BOC: variants seen among roughly 807,000 people sequenced by gnomAD.
The protein encoded by BOC is BOC cell adhesion associated, oncogene regulated.
A neutral mutation model predicts 112.0 loss-of-function variants in BOC; 76 were observed. The ratio of observed to expected loss-of-function variants is 0.68; its 90% CI spans 0.56 to 0.82. The LOEUF (loss-of-function observed/expected upper bound fraction) is 0.82. Among genes scored for constraint, BOC ranks in the 40% least tolerant of loss-of-function variants. BOC has a pLI of 0.00. For missense variants in BOC, 1,309 were observed against 1,511.7 expected, an observed-to-expected ratio of 0.87 and a Z score of 2.22; for synonymous variants, 580 against 599.8, an observed-to-expected ratio of 0.97 and a Z score of 0.48.
chr3:113,286,284 G>A (rs1305260025), intron 19 of BOC, among the ~76,000 whole-genome samples: 4 of 152,164 alleles, frequency 2.6e-5, no homozygotes, highest in Non-Finnish European at 2.9e-5. Context: ...AAACTGGACC[G>A]TGTCAATCTG....
chr3:113,256,015 T>C (rs183131114), intron 4 of BOC, among the ~76,000 whole-genome samples: 58 of 152,234 alleles, frequency 3.8e-4, no homozygotes, highest in African/African-American at 1.3e-3. Flanking sequence ...AGCTGTGAAA[T>C]GAACACAGTA....
At chr3:113,256,238 C>T (rs1946209173) in intron 4 of BOC, among the ~76,000 whole-genome samples, 1 of 152,160 alleles carries the variant, frequency 6.6e-6, no homozygotes, top group Non-Finnish European at 1.5e-5. Context: ...GAAGACAGTC[C>T]AGAGGGTGGC....
chr3:113,286,862 G>C lies in BOC; in HGVS notation c.3348G>C (p.Ter1116TyrextTer34). ...TTGAAACACCACCTCTCACAATTTA[G>C]GCAGAAGCTGATATCCCAGAAAGAC... The part of the protein sequence containing the change: ...VSFETPPLTI[*>Y] The change falls in exon 20 of 20, where the codon TAG becomes TAC. Residue 1116 changes from the stop codon to tyrosine, a stop_lost. Transcript: ENST00000682979. 6.4e-7 allele frequency: 1 copy of C among 1,570,538 alleles called. No individual in the cohort carries two copies. Among genetic ancestry groups the C allele is most frequent in the South Asian group, 1.2e-5 (1 of 83,896 alleles).
chr3:113,268,536 C>A (rs1009900819), intron 5 of BOC, 91 bp downstream of exon 5: 39 of 1,287,446 alleles, frequency 3.0e-5, no homozygotes, highest in Non-Finnish European at 4.1e-5. Context: ...GCTAGGGCAG[C>A]TGCTGCTGTC....
intron 4 of BOC, among the ~76,000 whole-genome samples, chr3:113,261,522 C>T (rs545924522): frequency 6.6e-6 from 1 of 152,232 alleles, no homozygotes; most frequent in Admixed American, 6.5e-5. Flanking sequence ...GTCTACAGAC[C>T]AGACATCTGT....
intron 4 of BOC, among the ~76,000 whole-genome samples, chr3:113,260,415 A>C (rs1310152905): frequency 6.6e-6 from 1 of 152,232 alleles, no homozygotes; most frequent in Non-Finnish European, 1.5e-5. Flanking sequence ...AGCATAAAAC[A>C]ACATTGGAAA....
chr3:113,226,377 C>T (rs1941665780), intron 2 of BOC, among the ~76,000 whole-genome samples: 1 of 152,140 alleles, frequency 6.6e-6, no homozygotes. Context: ...TGGGTCTTCT[C>T]TAGTACTTTC....
At chr3:113,228,577 C>G (rs1238710730) in intron 2 of BOC, among the ~76,000 whole-genome samples, 2 of 152,146 alleles carry the variant, frequency 1.3e-5, no homozygotes, top group Non-Finnish European at 2.9e-5. Flanking sequence ...GCCCCATGTG[C>G]CATTCCAGTG....
chr3:113,260,330 A>AG (rs1946680436), intron 4 of BOC, among the ~76,000 whole-genome samples: 1 of 152,370 alleles, frequency 6.6e-6, no homozygotes, highest in South Asian at 2.1e-4. Flanking sequence ...AGGATAAAGC[A>AG]GGGACTCAGG....
At chr3:113,218,752 G>T (rs1939982160) in intron 2 of BOC, among the ~76,000 whole-genome samples, 1 of 152,214 alleles carries the variant, frequency 6.6e-6, no homozygotes, top group East Asian at 1.9e-4. Context: ...ATCTGCGAAG[G>T]CCCCACAGTC....
At chr3:113,233,875 G>T (rs1417621836) in intron 2 of BOC, among the ~76,000 whole-genome samples, 1 of 141,996 alleles carries the variant, frequency 7.0e-6, no homozygotes, top group Non-Finnish European at 1.5e-5. Flanking sequence ...AAGAACCACG[G>T]CGGGCTCCCA....
intron 2 of BOC, among the ~76,000 whole-genome samples, chr3:113,220,092 TG>T (rs1576318940): frequency 6.6e-6 from 1 of 152,124 alleles, no homozygotes; most frequent in African/African-American, 2.4e-5. Flanking sequence ...AGTGGCAGCT[TG>T]TACAGAAAAC....
chr3:113,280,787 A>G, intron 14 of BOC, 124 bp downstream of exon 14: 1 of 905,498 alleles, frequency 1.1e-6, no homozygotes, highest in South Asian at 1.5e-5. Flanking sequence ...CGAAGCTCTA[A>G]GCTCCGTGTC....
At chr3:113,254,522 G>A (rs1946015184) in intron 4 of BOC, among the ~76,000 whole-genome samples, 1 of 152,194 alleles carries the variant, frequency 6.6e-6, no homozygotes, top group Non-Finnish European at 1.5e-5. Flanking sequence ...CAGAATAGGG[G>A]CTGTGTTTTG....
Position 113,250,035 on chromosome 3 carries a change from AG to A in BOC, c.97+137del, listed in dbSNP as rs200738219. On this transcript the variant is annotated intron_variant, in intron 3 of 19. Transcript: ENST00000682979. ...ATTCCCATTGGCCTTCAGGGACACAAGAACACAAGATGAGACATGATCACAA... is the reference window on the plus strand; with the variant it reads ...ATTCCCATTGGCCTTCAGGGACACAAAACACAAGATGAGACATGATCACAA... The A allele has an allele frequency of 3.6e-3, 2,567 of 722,896 alleles. 54 individuals carry two copies. The African/African-American group carries it at 0.04, about 11-fold the overall frequency. The allele number at this position is 722,896 out of a possible 1,614,324, so 44.8% of individuals were successfully genotyped here.
intron 15 of BOC, among the ~76,000 whole-genome samples, chr3:113,281,756 G>C (rs16860784): frequency 0.053 from 8,010 of 151,806 alleles, 252 homozygotes; most frequent in African/African-American, 0.092. Context: ...AACATAATCA[G>C]GAGAAGATCA....
At chr3:113,233,729 G>C (rs1943029117) in intron 2 of BOC, among the ~76,000 whole-genome samples, 1 of 152,130 alleles carries the variant, frequency 6.6e-6, no homozygotes, top group Admixed American at 6.5e-5. Context: ...ATGGGTACTT[G>C]AGACCTGCCC....
At chr3:113,238,688 A>C (rs1235541288) in intron 2 of BOC, among the ~76,000 whole-genome samples, 1 of 152,206 alleles carries the variant, frequency 6.6e-6, no homozygotes, top group East Asian at 1.9e-4. Flanking sequence ...TCAAATCCTC[A>C]CCCTGAGATT....
intron 2 of BOC, among the ~76,000 whole-genome samples, chr3:113,248,807 G>A (rs1345733461): frequency 6.6e-6 from 1 of 152,212 alleles, no homozygotes; most frequent in African/African-American, 2.4e-5. Flanking sequence ...CAGAGAGGGT[G>A]ACTGATAGCT....
Sources: allele counts gnomAD v4.1 joint callset (sites outside exome capture counted in the v4.1 genomes callset), GRCh38; gene constraint gnomAD v4.1.1; transcripts MANE v1.5; gene names NCBI Gene and HGNC (gene_info 2026-07-23, HGNC 2026-07-21).